HS1BP3: variants seen among roughly 807,000 people sequenced by gnomAD.
The protein encoded by HS1BP3 is HCLS1 binding protein 3.
Under a neutral mutation model 33.5 loss-of-function variants are expected in HS1BP3, and 32 were observed. The ratio of observed to expected loss-of-function variants is 0.95; its 90% CI spans 0.72 to 1.28. The LOEUF is 1.28. HS1BP3 is among the 50% of genes most tolerant of loss of function. HS1BP3 has a pLI of 0.00. For missense variants in HS1BP3, 486 were observed against 502.3 expected, an observed-to-expected ratio of 0.97 and a Z score of 0.31; for synonymous variants, 187 against 209.2, an observed-to-expected ratio of 0.89 and a Z score of 0.92.
Position 20,624,713 on chromosome 2 carries a change from A to G in HS1BP3, c.784+19T>C. 6.4e-7 allele frequency: 1 copy of G among 1,569,766 alleles called. No homozygotes were observed. On this transcript the variant is annotated intron_variant, in intron 5 of 6. Coordinates refer to ENST00000304031, the MANE Select transcript of HS1BP3 (RefSeq NM_022460.4). Reference sequence around the variant, plus strand: ...GGCACCGAGAGGACACCAGGAGCAGACCATGGGGCTCTACTTACGGTCCAC... The same window carrying G: ...GGCACCGAGAGGACACCAGGAGCAGGCCATGGGGCTCTACTTACGGTCCAC...
intron 4 of HS1BP3, chr2:20,634,909 C>A (rs1695075325): frequency 6.6e-6 from 1 of 152,222 alleles, no homozygotes; most frequent in Middle Eastern, 3.2e-3. Context: ...TCTGGGAAGA[C>A]CAGCTTTGCA....
chr2:20,595,595 G>A (rs1367736693), intron 3 of HS1BP3, among the ~76,000 whole-genome samples: 1 of 152,224 alleles, frequency 6.6e-6, no homozygotes, highest in Non-Finnish European at 1.5e-5. Context: ...GACTCTCTGC[G>A]AAGGGACTGC....
At chr2:20,599,017 G>C (rs926794579) in intron 2 of HS1BP3, among the ~76,000 whole-genome samples, 12 of 152,212 alleles carry the variant, frequency 7.9e-5, no homozygotes, top group Non-Finnish European at 1.3e-4. Context: ...GGAGTGGGGG[G>C]AATGGGGTGA....
intron 2 of HS1BP3, among the ~76,000 whole-genome samples, chr2:20,643,670 C>A (rs1695428107): frequency 6.6e-6 from 1 of 152,164 alleles, no homozygotes; most frequent in Non-Finnish European, 1.5e-5. Flanking sequence ...ACCTGTAATC[C>A]CAGCACTTTG....
downstream of HS1BP3, among the ~76,000 whole-genome samples, chr2:20,616,720 C>A: frequency 6.6e-6 from 1 of 152,138 alleles, no homozygotes; most frequent in East Asian, 1.9e-4. Context: ...TGGGGCAGGG[C>A]AGCTTCCCTG....
intron 2 of HS1BP3, among the ~76,000 whole-genome samples, chr2:20,605,489 A>G (rs1449244975): frequency 6.6e-6 from 1 of 152,174 alleles, no homozygotes; most frequent in Non-Finnish European, 1.5e-5. Context: ...AAAGGGTACA[A>G]TTCAGTGGTG....
downstream of HS1BP3, among the ~76,000 whole-genome samples, chr2:20,614,151 C>T (rs1322751035): frequency 1.3e-5 from 2 of 152,096 alleles, no homozygotes; most frequent in African/African-American, 4.8e-5. Context: ...AGCTATAAAC[C>T]AAGGGACCCC....
chr2:20,632,551 A>T (rs909220083), intron 4 of HS1BP3, among the ~76,000 whole-genome samples: 1 of 152,248 alleles, frequency 6.6e-6, no homozygotes, highest in Non-Finnish European at 1.5e-5. Flanking sequence ...AAGGTTCCTC[A>T]GTCGTAACAA....
intron 6 of HS1BP3, among the ~76,000 whole-genome samples, chr2:20,621,474 G>A (rs1457749638): frequency 1.3e-5 from 2 of 152,220 alleles, no homozygotes; most frequent in East Asian, 1.9e-4. Context: ...GATTTCAGGA[G>A]GTGTCACTCA....
At chr2:20,631,744 G>A (rs1694975330) in intron 4 of HS1BP3, among the ~76,000 whole-genome samples, 2 of 151,912 alleles carry the variant, frequency 1.3e-5, no homozygotes, top group African/African-American at 4.8e-5. Flanking sequence ...TCCACAATGG[G>A]GCCAGAGACT....
chr2:20,596,603 G>A (rs764770875), intron 3 of HS1BP3, among the ~76,000 whole-genome samples: 2 of 152,238 alleles, frequency 1.3e-5, no homozygotes, highest in African/African-American at 2.4e-5. Context: ...ATACATTGCT[G>A]TTGTTTATAA....
chr2:20,619,127 G>C lies in HS1BP3; in HGVS notation c.1039C>G (p.Pro347Ala). The change falls in exon 7 of 7, where the codon CCC becomes GCC. Residue 347 changes from proline to alanine, a missense_variant. By Grantham distance (27) the Pro-to-Ala change is conservative (BLOSUM62 -1). Transcript: ENST00000304031. The part of the protein sequence containing the change: ...KPVIPRKPAV[P>A]PKAGPAEAVA... The stretch of plus-strand genomic sequence containing the variant: ...GCTTCAGCCGGGCCCGCTTTGGGGG[G>C]AACAGCTGGTTTTCTGGGTATCACC... 1.2e-6 allele frequency: 2 copies of C among 1,614,162 alleles called. No individual in the cohort carries two copies. Among genetic ancestry groups the C allele is most frequent in the East Asian group, 2.2e-5 (1 of 44,882 alleles).
intron 2 of HS1BP3, among the ~76,000 whole-genome samples, chr2:20,610,167 G>A (rs925493965): frequency 2.0e-5 from 3 of 152,136 alleles, no homozygotes; most frequent in African/African-American, 7.2e-5. Context: ...GCAACAGCCT[G>A]CACCAGAGTG....
chr2:20,568,670 C>A (rs1693194049), intron 5 of HS1BP3, among the ~76,000 whole-genome samples: 1 of 152,156 alleles, frequency 6.6e-6, no homozygotes, highest in South Asian at 2.1e-4. Flanking sequence ...CTGGAAGGAG[C>A]TCAGGGCCCA....
chr2:20,574,322 G>A lies in HS1BP3; in HGVS notation c.303-13807C>T, dbSNP rs576061561. ...AGCAAGGCGCTCTGGAAATAGATGA[G>A]CATGCAAAATCACAATTTATGAGTT... is the stretch of plus-strand genomic sequence containing the variant. On this transcript the variant is annotated intron_variant, in intron 5 of 5. Coordinates refer to the HS1BP3 transcript ENST00000446825. Among the ~76,000 whole-genome samples, 5 of 152,320 alleles carry A rather than the reference G, an allele frequency of 3.3e-5. No individual in the cohort carries two copies. In the East Asian group the frequency reaches 7.7e-4, roughly 23 times the overall value.
chr2:20,565,849 G>A (rs1693113227), intron 5 of HS1BP3, among the ~76,000 whole-genome samples: 1 of 152,240 alleles, frequency 6.6e-6, no homozygotes, highest in Admixed American at 6.5e-5. Flanking sequence ...AGCCTGCGCA[G>A]TGAGATGGAT....
At chr2:20,643,601 G>A (rs778403168) in intron 2 of HS1BP3, among the ~76,000 whole-genome samples, 1 of 152,096 alleles carries the variant, frequency 6.6e-6, no homozygotes, top group Non-Finnish European at 1.5e-5. Context: ...TATTCTAGAC[G>A]CTTCTCATGA....
At position 20,638,581 on chromosome 2, in the gene HS1BP3, TCTGA is replaced by T. The variant is rs1558348158; in HGVS notation, c.474_477del (p.Ser158ArgfsTer28). The T allele has an allele frequency of 3.1e-6, 5 of 1,614,190 alleles. No individual in the cohort carries two copies. The highest frequency in any genetic ancestry group is 2.2e-5 in the East Asian group (1 of 44,870). On this transcript the variant is annotated frameshift_variant, in exon 4 of 7. Coordinates refer to ENST00000304031, the MANE Select transcript of HS1BP3 (RefSeq NM_022460.4). LOFTEE classifies it high-confidence loss of function. ...TCGAAAGCCTCTTCATCATTCCCTGTCTGACTGTCTGTGCCATCCAGGACAGAGG... is the reference window on the plus strand; with the variant it reads ...TCGAAAGCCTCTTCATCATTCCCTGTCTGTCTGTGCCATCCAGGACAGAGG...
downstream of HS1BP3, chr2:20,592,342 C>CGCCCA (rs1693836488): frequency 6.1e-6 from 1 of 163,900 alleles, no homozygotes; most frequent in African/African-American, 2.4e-5. Context: ...CGCCCCGCCC[C>CGCCCA]GCCCATTCCT....
Sources: allele counts gnomAD v4.1 joint callset (sites outside exome capture counted in the v4.1 genomes callset), GRCh38; gene constraint gnomAD v4.1.1; transcripts MANE v1.5; gene names NCBI Gene and HGNC (gene_info 2026-07-23, HGNC 2026-07-21).